The following TMEM181 variants were observed in gnomAD, a reference collection of about 807,000 sequenced individuals.
TMEM181 encodes the protein transmembrane protein 181.
Under a neutral mutation model 71.9 loss-of-function variants are expected in TMEM181, and 39 were observed. That is an observed-to-expected ratio of 0.54 (90% CI 0.42 to 0.71). TMEM181 has a LOEUF of 0.71. TMEM181 is among the 30% of genes least tolerant of loss of function. TMEM181 has a pLI of 0.00. For missense variants in TMEM181, 595 were observed against 583.0 expected, an observed-to-expected ratio of 1.02 and a Z score of -0.21; for synonymous variants, 245 against 228.8, an observed-to-expected ratio of 1.07 and a Z score of -0.64.
intron 1 of TMEM181, among the ~76,000 whole-genome samples, chr6:158,537,536 C>A (rs944744445): frequency 6.6e-6 from 1 of 152,246 alleles, no homozygotes; most frequent in Non-Finnish European, 1.5e-5. Flanking sequence ...GCCCCCGCCC[C>A]CTTCCTCTCT....
chr6:158,553,542 A>G (rs1186261853), intron 1 of TMEM181, among the ~76,000 whole-genome samples: 1 of 152,244 alleles, frequency 6.6e-6, no homozygotes, highest in African/African-American at 2.4e-5. Flanking sequence ...TTACTTATCA[A>G]AGAGTTGTAC....
upstream of TMEM181, among the ~76,000 whole-genome samples, chr6:158,557,725 C>T (rs1346073724): frequency 6.6e-6 from 1 of 152,158 alleles, no homozygotes; most frequent in Non-Finnish European, 1.5e-5. Context: ...CCATATTGGC[C>T]AAGATGGTCT....
At chr6:158,547,758 C>T (rs1781578221) in intron 1 of TMEM181, among the ~76,000 whole-genome samples, 1 of 152,094 alleles carries the variant, frequency 6.6e-6, no homozygotes, top group African/African-American at 2.4e-5. Flanking sequence ...GTCTCCCACC[C>T]TGCCCCCGGG....
In TMEM181 at chr6:158,623,316, A is replaced by G. The variant is rs955607300; in HGVS notation, c.897-234A>G. On this transcript the variant is annotated intron_variant, in intron 10 of 16. Coordinates refer to ENST00000684151, the MANE Select transcript of TMEM181 (RefSeq NM_001376852.1). The stretch of plus-strand genomic sequence containing the variant: ...GTTTTGTGTAATAAAAAATACTGCA[A>G]CTTTCCAATACTGATAAATGTGGAC... 6.6e-5 allele frequency among the ~76,000 whole-genome samples: 10 copies of G among 152,200 alleles called. No individual in the cohort carries two copies. The South Asian group carries it at 1.4e-3, about 22-fold the overall frequency.
At chr6:158,560,352 G>A (rs1013846397) in intron 1 of TMEM181, 120 bp downstream of exon 1, 10 of 977,836 alleles carry the variant, frequency 1.0e-5, no homozygotes, top group South Asian at 4.7e-5. Flanking sequence ...GGAACTGGGG[G>A]CAGGGAAAAG....
At chr6:158,610,269 A>C (rs571602683) in intron 10 of TMEM181, 1 of 277,274 alleles carries the variant, frequency 3.6e-6, no homozygotes, top group Non-Finnish European at 7.5e-6. Context: ...CCTGACTCTT[A>C]TTGTAGTAAC....
chr6:158,568,558 C>T (rs1782641734), intron 1 of TMEM181, among the ~76,000 whole-genome samples: 1 of 152,332 alleles, frequency 6.6e-6, no homozygotes, highest in South Asian at 2.1e-4. Context: ...TGCATATTTT[C>T]TGCATCACAG....
chr6:158,559,851 G>C (rs557441950), upstream of TMEM181, among the ~76,000 whole-genome samples: 96 of 152,372 alleles, frequency 6.3e-4, no homozygotes, highest in Non-Finnish European at 1.1e-3. Context: ...TGAATGCGCT[G>C]TTTACCTGCC....
chr6:158,605,254 CTTTCTAT>C lies in TMEM181; in HGVS notation c.493-9_493-3del. The C allele has an allele frequency of 6.2e-7, 1 of 1,610,596 alleles. No individual in the cohort carries two copies. The highest frequency in any genetic ancestry group is 8.5e-7 in the Non-Finnish European group (1 of 1,177,740). On this transcript the variant is annotated splice_region_variant and splice_polypyrimidine_tract_variant and intron_variant, in intron 6 of 16. Transcript: ENST00000684151. ...TATTTTTTTCAAATTGTTTTCTCCA[CTTTCTAT>C]TTTAGTGGAAGACTTATAACCCTGC...
intron 10 of TMEM181, among the ~76,000 whole-genome samples, chr6:158,611,984 C>CCCA (rs1554228494): frequency 0.12 from 18,914 of 151,576 alleles, 2,117 homozygotes; most frequent in East Asian, 0.64. Context: ...ATACCCCCCC[C>CCCA]ACCTCCTAGT....
chr6:158,589,581 A>G, intron 5 of TMEM181, 91 bp from the exon 6 acceptor site: 1 of 919,652 alleles, frequency 1.1e-6, no homozygotes, highest in East Asian at 2.5e-5. Context: ...AGTTCTGCCC[A>G]TCTGCTGTTG....
At chr6:158,571,717 T>G (rs1562627415) in intron 1 of TMEM181, among the ~76,000 whole-genome samples, 1 of 152,238 alleles carries the variant, frequency 6.6e-6, no homozygotes, top group Non-Finnish European at 1.5e-5. Flanking sequence ...CTTCACACTT[T>G]GCAGGGCTTG....
intron 10 of TMEM181, among the ~76,000 whole-genome samples, chr6:158,618,963 G>A (rs534846600): frequency 6.6e-6 from 1 of 152,292 alleles, no homozygotes; most frequent in East Asian, 1.9e-4. Flanking sequence ...TGACAATTAT[G>A]TGTCTTGGGG....
rs1782903043 is a variant in TMEM181, at chr6:158,572,353, C to CTGAGG, written c.9-1059_9-1055dup. On this transcript the variant is annotated intron_variant, in intron 1 of 16. Transcript: ENST00000684151. Reference sequence around the variant, plus strand: ...TGGGTGGACGTGCGGCTGCCTGTCCCTGAGGTGAGGTGCTCGGTCTCCTTC... The same window carrying CTGAGG: ...TGGGTGGACGTGCGGCTGCCTGTCCCTGAGGTGAGGTGAGGTGCTCGGTCTCCTTC... 9 of 455,648 alleles carry CTGAGG rather than the reference C, an allele frequency of 2.0e-5. No individual in the cohort carries two copies. The Admixed American group carries it at 2.1e-4, about 11-fold the overall frequency. 28.2% of individuals were successfully genotyped at this position (455,648 alleles called of 1,614,324 possible). A position where few individuals can be genotyped will look rare whatever the true frequency, so the allele number is the denominator to read the frequency against.
chr6:158,594,685 C>G (rs768070958), intron 6 of TMEM181, among the ~76,000 whole-genome samples: 1 of 152,070 alleles, frequency 6.6e-6, no homozygotes, highest in Non-Finnish European at 1.5e-5. Flanking sequence ...TTCTCAACTT[C>G]TTTTTTGTTG....
At chr6:158,543,948 G>C (rs142828645) in intron 1 of TMEM181, among the ~76,000 whole-genome samples, 62 of 152,190 alleles carry the variant, frequency 4.1e-4, no homozygotes, top group Non-Finnish European at 7.6e-4. Flanking sequence ...TGATGAACAA[G>C]AGTCAGGAGG....
At position 158,633,729 on chromosome 6, in the gene TMEM181, G is replaced by C. The variant is rs1786786260; in HGVS notation, c.*1841G>C. Reference sequence around the variant, plus strand: ...TATTCACATTTGTTTTAAAAACCTTGTAAATATGAATGTTTAAGACAACTT... The same window carrying C: ...TATTCACATTTGTTTTAAAAACCTTCTAAATATGAATGTTTAAGACAACTT... On this transcript the variant is annotated 3_prime_UTR_variant, in exon 17 of 17. Coordinates refer to ENST00000684151, the MANE Select transcript of TMEM181 (RefSeq NM_001376852.1). The C allele has an allele frequency of 6.6e-6, 1 of 152,056 alleles. No individual in the cohort carries two copies. The highest frequency in any genetic ancestry group is 1.5e-5 in the Non-Finnish European group (1 of 68,014). 9.4% of individuals were successfully genotyped at this position (152,056 alleles called of 1,614,324 possible).
chr6:158,571,713 A>G (rs1166595446), intron 1 of TMEM181, among the ~76,000 whole-genome samples: 2 of 152,218 alleles, frequency 1.3e-5, no homozygotes, highest in Non-Finnish European at 2.9e-5. Context: ...CAGCCTTCAC[A>G]CTTTGCAGGG....
chr6:158,602,596 T>C (rs1202845090), intron 6 of TMEM181, among the ~76,000 whole-genome samples: 1 of 150,736 alleles, frequency 6.6e-6, no homozygotes, highest in African/African-American at 2.4e-5. Flanking sequence ...TGGTTTTACA[T>C]TGCAGTTTTA....
Sources: gnomAD v4.1 joint callset for allele counts (sites outside exome capture counted in the v4.1 genomes callset) on GRCh38, gnomAD v4.1.1 for gene constraint, MANE v1.5 for transcripts, NCBI Gene and HGNC (gene_info 2026-07-23, HGNC 2026-07-21) for gene names.